Variants in TSPAN18 observed in about 807,000 individuals in gnomAD.
TSPAN18 encodes the protein tetraspanin-18.
A neutral mutation model predicts 27.3 loss-of-function variants in TSPAN18; 14 were observed. The observed-to-expected ratio is 0.51, with a 90% CI of 0.34 to 0.80. The LOEUF (loss-of-function observed/expected upper bound fraction) is 0.80. TSPAN18 is among the 30% of genes least tolerant of loss of function. The pLI, the probability that TSPAN18 is intolerant of heterozygous loss-of-function variation, is 0.01. For missense variants in TSPAN18, 268 were observed against 323.9 expected (o/e 0.83, Z 1.32); for synonymous variants, 143 against 136.5 (o/e 1.05, Z -0.33).
chr11:44,856,669 T>C (rs768890148), intron 2 of TSPAN18, among the ~76,000 whole-genome samples: 9 of 152,166 alleles, frequency 5.9e-5, no homozygotes, highest in African/African-American at 2.2e-4. Flanking sequence ...CCCAGGTATA[T>C]AGCAAGTGTT....
chr11:44,912,301 G>A (rs745879385), intron 5 of TSPAN18, among the ~76,000 whole-genome samples: 11 of 151,986 alleles, frequency 7.2e-5, no homozygotes, highest in African/African-American at 2.4e-4. Context: ...GATTCCAGGC[G>A]GGCACCACAC....
At chr11:44,874,060 T>C (rs1858264573) in intron 3 of TSPAN18, among the ~76,000 whole-genome samples, 1 of 152,126 alleles carries the variant, frequency 6.6e-6, no homozygotes, top group Admixed American at 6.5e-5. Flanking sequence ...CTTCAGGAGT[T>C]GAGTGGGGTG....
chr11:44,897,881 C>T, intron 3 of TSPAN18: 1 of 1,287,448 alleles, frequency 7.8e-7, no homozygotes, highest in Non-Finnish European at 1.0e-6. Flanking sequence ...GCCCCATCAC[C>T]TGACACGGTC....
intron 9 of TSPAN18, among the ~76,000 whole-genome samples, chr11:44,928,475 C>T (rs1166524230): frequency 6.6e-6 from 1 of 152,174 alleles, no homozygotes; most frequent in Non-Finnish European, 1.5e-5. Context: ...GGTTACATAC[C>T]TCCCAATAAA....
At chr11:44,861,094 G>A (rs1274209331) in intron 3 of TSPAN18, among the ~76,000 whole-genome samples, 1 of 152,086 alleles carries the variant, frequency 6.6e-6, no homozygotes, top group East Asian at 1.9e-4. Flanking sequence ...TGTTAGGACC[G>A]TATCTCACCA....
At position 44,898,248 on chromosome 11, in the gene TSPAN18, C is replaced by T. The variant is rs116605882; in HGVS notation, c.-10-8159C>T. Among the ~76,000 whole-genome samples, 1,048 of 152,306 alleles carry T rather than the reference C, an allele frequency of 6.9e-3. 8 individuals are homozygous for T. Among genetic ancestry groups the T allele is most frequent in the African/African-American group, 0.023 (974 of 41,564 alleles). ...CTGGGCTGGGCTTCCAAGTTCATAT[C>T]CATGACTAATTAATTGGTTTTGGAA... On this transcript the variant is annotated intron_variant, in intron 3 of 9. Transcript: ENST00000520358.
chr11:44,834,191 G>T (rs1028178456), intron 2 of TSPAN18, among the ~76,000 whole-genome samples: 4 of 151,916 alleles, frequency 2.6e-5, no homozygotes, highest in Admixed American at 1.3e-4. Context: ...GAGGCGAGGT[G>T]GGGGGCTTGG....
At chr11:44,820,594 A>T (rs1856907330) in intron 2 of TSPAN18, among the ~76,000 whole-genome samples, 1 of 152,156 alleles carries the variant, frequency 6.6e-6, no homozygotes, top group African/African-American at 2.4e-5. Flanking sequence ...TGGGATCCTC[A>T]TCCATAAAAT....
intron 2 of TSPAN18, among the ~76,000 whole-genome samples, chr11:44,768,785 T>A (rs1361924105): frequency 1.3e-5 from 2 of 152,202 alleles, no homozygotes; most frequent in African/African-American, 2.4e-5. Flanking sequence ...TGAGAGTTTT[T>A]ATCATGAATA....
chr11:44,903,227 C>T lies in TSPAN18; in HGVS notation c.-10-3180C>T, dbSNP rs187611094. 2.8e-4 allele frequency: 102 copies of T among 360,694 alleles called. 1 individual carries two copies. In the East Asian group the frequency reaches 5.4e-3, roughly 19 times the overall value. 22.3% of individuals were successfully genotyped at this position (360,694 alleles called of 1,614,324 possible). A position where few individuals can be genotyped will look rare whatever the true frequency, so the allele number is the denominator to read the frequency against. Reference sequence around the variant, plus strand: ...GGGGGAATCAGGGAAGGCTTCCTGGCGGAGGTGATGCCTGTGACGAGTCTT... The same window carrying T: ...GGGGGAATCAGGGAAGGCTTCCTGGTGGAGGTGATGCCTGTGACGAGTCTT... On this transcript the variant is annotated intron_variant, in intron 3 of 9. Transcript: ENST00000520358.
intron 3 of TSPAN18, among the ~76,000 whole-genome samples, chr11:44,862,974 C>T (rs1236142657): frequency 1.3e-5 from 2 of 152,176 alleles, no homozygotes; most frequent in Non-Finnish European, 2.9e-5. Flanking sequence ...ATCATACAAG[C>T]TCCACTTCCC....
intron 2 of TSPAN18, among the ~76,000 whole-genome samples, chr11:44,813,771 C>T (rs1856767862): frequency 6.6e-6 from 1 of 152,118 alleles, no homozygotes; most frequent in Non-Finnish European, 1.5e-5. Flanking sequence ...CTGGAGAGGC[C>T]CAGGAAGGAG....
intron 2 of TSPAN18, among the ~76,000 whole-genome samples, chr11:44,836,662 G>A (rs1857270642): frequency 6.6e-6 from 1 of 152,236 alleles, no homozygotes; most frequent in South Asian, 2.1e-4. Flanking sequence ...AGAAGTCAAT[G>A]TCTGGCTTCA....
At position 44,908,783 on chromosome 11, in the gene TSPAN18, G is replaced by GAAAGAA. The variant is rs1564992719; in HGVS notation, c.64-920_64-915dup. ...GAGAGAGAAAGGAGAAAGAAAGAAA[G>GAAAGAA]AAAGAAAGAAAGAAAGAAAGAAAGA... On this transcript the variant is annotated intron_variant, in intron 4 of 9. Coordinates refer to ENST00000520358, the MANE Select transcript of TSPAN18 (RefSeq NM_130783.5). Among the ~76,000 whole-genome samples, 30 of 110,810 alleles carry GAAAGAA rather than the reference G, an allele frequency of 2.7e-4. 1 individual carries two copies. The highest frequency in any genetic ancestry group is 1.0e-3 in the African/African-American group (26 of 24,862). The allele number at this position is 110,810 out of a possible 152,430, so 72.7% of individuals were successfully genotyped here. A position where few individuals can be genotyped will look rare whatever the true frequency, so the allele number is the denominator to read the frequency against.
At chr11:44,733,039 C>A (rs1854701684) in intron 1 of TSPAN18, among the ~76,000 whole-genome samples, 3 of 152,126 alleles carry the variant, frequency 2.0e-5, no homozygotes, top group Admixed American at 6.5e-5. Context: ...GAAGGGAAAG[C>A]CACACTAATA....
intron 8 of TSPAN18, among the ~76,000 whole-genome samples, chr11:44,921,951 T>C (rs571055015): frequency 6.6e-6 from 1 of 152,260 alleles, no homozygotes; most frequent in South Asian, 2.1e-4. Flanking sequence ...ATTCATTCTT[T>C]CCAGTGACTC....
chr11:44,891,864 C>T (rs186446523), intron 3 of TSPAN18, among the ~76,000 whole-genome samples: 24 of 152,266 alleles, frequency 1.6e-4, no homozygotes, highest in Admixed American at 1.6e-3. Flanking sequence ...AGGATGCTCA[C>T]TAAATGGGAA....
At chr11:44,749,632 C>CTTTTTTTTTTTT (rs71894571) in intron 1 of TSPAN18, among the ~76,000 whole-genome samples, 1 of 110,448 alleles carries the variant, frequency 9.1e-6, no homozygotes, top group Non-Finnish European at 1.9e-5. Flanking sequence ...GTGGAACTTT[C>CTTTTTTTTTTTT]TTTTTTTTTT....
At chr11:44,917,366 T>A (rs1859950604) in intron 5 of TSPAN18, among the ~76,000 whole-genome samples, 1 of 152,186 alleles carries the variant, frequency 6.6e-6, no homozygotes, top group South Asian at 2.1e-4. Context: ...TCAAATTCAG[T>A]GAGTGGAGCA....
Sources: gnomAD v4.1 joint callset for allele counts (sites outside exome capture counted in the v4.1 genomes callset) on GRCh38, gnomAD v4.1.1 for gene constraint, MANE v1.5 for transcripts, NCBI Gene and HGNC (gene_info 2026-07-23, HGNC 2026-07-21) for gene names.